Variants in SELENOF observed in about 807,000 individuals in gnomAD.
SELENOF encodes 15 kDa selenoprotein.
A neutral mutation model predicts 20.5 loss-of-function variants in SELENOF; 16 were observed. The ratio of observed to expected loss-of-function variants is 0.78; its 90% CI spans 0.53 to 1.19. The LOEUF is 1.19. Among genes scored for constraint, SELENOF ranks in the 50% most tolerant of loss-of-function variants. SELENOF has a pLI of 0.00. For missense variants in SELENOF, 215 were observed against 194.2 expected, an observed-to-expected ratio of 1.11 and a Z score of -0.64; for synonymous variants, 78 against 74.5, an observed-to-expected ratio of 1.05 and a Z score of -0.24.
intron 1 of SELENOF, among the ~76,000 whole-genome samples, chr1:86,913,489 CATT>C (rs1466443450): frequency 6.6e-6 from 1 of 152,228 alleles, no homozygotes; most frequent in Non-Finnish European, 1.5e-5. Flanking sequence ...ACTCCAACAA[CATT>C]GTTTAAAAGC....
intron 2 of SELENOF, among the ~76,000 whole-genome samples, chr1:86,883,944 A>C (rs1160090490): frequency 6.6e-6 from 1 of 152,228 alleles, no homozygotes; most frequent in African/African-American, 2.4e-5. Context: ...ATGAGCAGGC[A>C]GCTCAGATGT....
At chr1:86,891,722 T>C (rs1349434291) in intron 2 of SELENOF, among the ~76,000 whole-genome samples, 1 of 152,160 alleles carries the variant, frequency 6.6e-6, no homozygotes, top group African/African-American at 2.4e-5. Flanking sequence ...TACAAATACA[T>C]GAAACATATA....
intron 2 of SELENOF, among the ~76,000 whole-genome samples, chr1:86,894,172 T>G (rs1418595201): frequency 6.8e-6 from 1 of 146,550 alleles, no homozygotes; most frequent in African/African-American, 2.5e-5. Context: ...ACCTGGAGGT[T>G]TTTTTTTTTT....
chr1:86,899,212 G>A (rs535185024), intron 2 of SELENOF, among the ~76,000 whole-genome samples: 17 of 151,560 alleles, frequency 1.1e-4, no homozygotes, highest in East Asian at 5.8e-4. Flanking sequence ...GCAACCATCC[G>A]ATTTCTCAAT....
intron 2 of SELENOF, among the ~76,000 whole-genome samples, chr1:86,902,127 T>C (rs371661889): frequency 9.2e-5 from 14 of 152,336 alleles, no homozygotes; most frequent in East Asian, 7.7e-4. Flanking sequence ...ACTAGTTAAG[T>C]TGTATGTCTT....
chr1:86,912,274 C>T (rs1660003793), intron 1 of SELENOF, among the ~76,000 whole-genome samples: 1 of 152,080 alleles, frequency 6.6e-6, no homozygotes, highest in Non-Finnish European at 1.5e-5. Context: ...TCAGTAATTC[C>T]CTGGATATGA....
chr1:86,891,135 T>C lies in SELENOF; in HGVS notation c.253-10410A>G, dbSNP rs1659373619. ...CAAGATCTCAGCTCACTGCAACCTC[T>C]ACCCCCTGGGTTCAAGCGATTCTCC... is the stretch of plus-strand genomic sequence containing the variant. On this transcript the variant is annotated intron_variant, in intron 2 of 4. Coordinates refer to ENST00000331835, the MANE Select transcript of SELENOF (RefSeq NM_004261.5). 2.0e-5 allele frequency among the ~76,000 whole-genome samples: 3 copies of C among 151,774 alleles called. No homozygotes were observed. In the South Asian group the frequency reaches 6.2e-4, roughly 32 times the overall value.
chr1:86,913,848 C>G (rs1349292662), intron 1 of SELENOF, 180 bp downstream of exon 1: 1 of 616,310 alleles, frequency 1.6e-6, no homozygotes, highest in Non-Finnish European at 2.9e-6. Flanking sequence ...GCTAGAAACC[C>G]AAGGCGGGGA....
At chr1:86,896,018 A>G (rs1328524967) in intron 2 of SELENOF, among the ~76,000 whole-genome samples, 1 of 152,212 alleles carries the variant, frequency 6.6e-6, no homozygotes, top group Admixed American at 6.5e-5. Flanking sequence ...ACCTGAGGTC[A>G]GTAGTTTGAG....
chr1:86,886,753 T>C (rs1279516889), intron 2 of SELENOF, among the ~76,000 whole-genome samples: 1 of 152,116 alleles, frequency 6.6e-6, no homozygotes, highest in Non-Finnish European at 1.5e-5. Context: ...AGAGAATTCA[T>C]ATCTGAGGAA....
intron 4 of SELENOF, among the ~76,000 whole-genome samples, chr1:86,864,020 G>A (rs964268319): frequency 2.0e-5 from 3 of 152,152 alleles, no homozygotes; most frequent in African/African-American, 7.2e-5. Context: ...TTGGGGATTT[G>A]AGCTTATTAT....
At chr1:86,883,806 C>A (rs919464603) in intron 2 of SELENOF, among the ~76,000 whole-genome samples, 2 of 152,064 alleles carry the variant, frequency 1.3e-5, no homozygotes, top group African/African-American at 4.8e-5. Flanking sequence ...ACCTCAGGCC[C>A]CACTTGGTTG....
chr1:86,876,569 G>T (rs1658928368), intron 3 of SELENOF, among the ~76,000 whole-genome samples: 1 of 152,108 alleles, frequency 6.6e-6, no homozygotes, highest in African/African-American at 2.4e-5. Context: ...TCCCATGGAA[G>T]TAAAAAAATA....
intron 3 of SELENOF, among the ~76,000 whole-genome samples, chr1:86,872,601 G>A (rs1658805815): frequency 6.7e-6 from 1 of 149,900 alleles, no homozygotes; most frequent in African/African-American, 2.5e-5. Context: ...GGCTGGTGTC[G>A]AATTCCCAAC....
intron 4 of SELENOF, 109 bp downstream of exon 4, chr1:86,867,941 CATA>C (rs1658655348): frequency 2.3e-6 from 1 of 443,338 alleles, no homozygotes; most frequent in Admixed American, 4.0e-5. Context: ...TAAATTGATA[CATA>C]ATATTTGCAC....
intron 1 of SELENOF, among the ~76,000 whole-genome samples, chr1:86,907,819 A>C (rs1001995105): frequency 2.0e-5 from 3 of 152,120 alleles, no homozygotes; most frequent in African/African-American, 7.2e-5. Context: ...CCCCGTCTCT[A>C]CTAATAATAC....
At chr1:86,900,312 G>A (rs968907324) in intron 2 of SELENOF, among the ~76,000 whole-genome samples, 3 of 152,146 alleles carry the variant, frequency 2.0e-5, no homozygotes, top group African/African-American at 4.8e-5. Context: ...AGCACTGAGT[G>A]AACCAGACAC....
chr1:86,897,386 C>T (rs1282306338), intron 2 of SELENOF, among the ~76,000 whole-genome samples: 1 of 152,092 alleles, frequency 6.6e-6, no homozygotes, highest in Non-Finnish European at 1.5e-5. Context: ...CAAAGTATCC[C>T]TAAGTGTTTT....
intron 2 of SELENOF, among the ~76,000 whole-genome samples, chr1:86,888,276 A>AG (rs1215871551): frequency 1.3e-5 from 2 of 151,650 alleles, no homozygotes; most frequent in Non-Finnish European, 2.9e-5. Context: ...AAAAAAAAAA[A>AG]CAACAAAACC....
Sources: gnomAD v4.1 joint callset for allele counts (sites outside exome capture counted in the v4.1 genomes callset) on GRCh38, gnomAD v4.1.1 for gene constraint, MANE v1.5 for transcripts, NCBI Gene and HGNC (gene_info 2026-07-23, HGNC 2026-07-21) for gene names.